FAM169A: variants seen among roughly 807,000 people sequenced by gnomAD.
FAM169A encodes family with sequence similarity 169 member A, also known as soluble lamin-associated protein of 75 kDa.
A neutral mutation model predicts 75.7 loss-of-function variants in FAM169A; 24 were observed. The observed-to-expected ratio is 0.32, with a 90% CI of 0.23 to 0.45. FAM169A has a LOEUF of 0.45. FAM169A is among the 20% of genes least tolerant of loss of function. The pLI is 1.00. For missense variants in FAM169A, 673 were observed against 784.0 expected (o/e 0.86, Z 1.69); for synonymous variants, 271 against 271.0 (o/e 1.00, Z 0.00).
intron 11 of FAM169A, among the ~76,000 whole-genome samples, chr5:74,792,004 T>G (rs1746002825): frequency 6.6e-6 from 1 of 152,260 alleles, no homozygotes; most frequent in Admixed American, 6.5e-5. Flanking sequence ...TTTTCCTTTA[T>G]CATGTGACAT....
At chr5:74,787,229 T>A (rs895283400) in intron 11 of FAM169A, among the ~76,000 whole-genome samples, 2 of 152,214 alleles carry the variant, frequency 1.3e-5, no homozygotes, top group Non-Finnish European at 2.9e-5. Flanking sequence ...TCAGGCTGAA[T>A]TTATTGATTC....
intron 5 of FAM169A, among the ~76,000 whole-genome samples, chr5:74,816,514 T>G (rs1160738227): frequency 6.6e-6 from 1 of 152,216 alleles, no homozygotes; most frequent in Admixed American, 6.5e-5. Flanking sequence ...TTACTTGCCA[T>G]GTACATGTTC....
At chr5:74,830,447 T>C (rs940872743) in intron 5 of FAM169A, among the ~76,000 whole-genome samples, 5 of 152,082 alleles carry the variant, frequency 3.3e-5, no homozygotes, top group African/African-American at 1.2e-4. Context: ...TGTGCTCTAA[T>C]CCCACTAAGC....
At position 74,780,075 on chromosome 5, in the gene FAM169A, C is replaced by G. The variant is rs1358742069; in HGVS notation, c.*1385G>C. ...TTAGATTATCTTTGGATTCTAATAACCATTTTGTCCATTTTTAAATAAATT... is the reference window on the plus strand; with the variant it reads ...TTAGATTATCTTTGGATTCTAATAAGCATTTTGTCCATTTTTAAATAAATT... On this transcript the variant is annotated 3_prime_UTR_variant, in exon 13 of 13. Transcript: ENST00000687041. The G allele has an allele frequency of 2.6e-5, 4 of 152,140 alleles. No individual in the cohort carries two copies. The highest frequency in any genetic ancestry group is 5.9e-5 in the Non-Finnish European group (4 of 68,010). 9.4% of individuals were successfully genotyped at this position (152,140 alleles called of 1,614,324 possible).
chr5:74,822,833 A>G lies in FAM169A; in HGVS notation c.491-8814T>C, dbSNP rs560448470. ...AACTACTCCTCTTCTTCTATTCCCA[A>G]TCTTAATTAACAGCCTCCCACCAAT... is the stretch of plus-strand genomic sequence containing the variant. On this transcript the variant is annotated intron_variant, in intron 5 of 12. Coordinates refer to ENST00000687041, the MANE Select transcript of FAM169A (RefSeq NM_001376049.1). 1.3e-4 allele frequency among the ~76,000 whole-genome samples: 20 copies of G among 152,180 alleles called. No homozygotes were observed. In the South Asian group the frequency reaches 3.1e-3, roughly 24 times the overall value.
rs865985715 is a variant in FAM169A, at chr5:74,780,542, T to C, written c.*918A>G. The stretch of plus-strand genomic sequence containing the variant: ...GAAGGAGCCTCATACTTCTGAAATA[T>C]AGATGTTAACTGGGTTGGGATAAAA... On this transcript the variant is annotated 3_prime_UTR_variant, in exon 13 of 13. Transcript: ENST00000687041. 2.0e-5 allele frequency: 3 copies of C among 152,354 alleles called. No homozygotes were observed. The highest frequency in any genetic ancestry group is 2.1e-4 in the South Asian group (1 of 4,826). 9.4% of individuals were successfully genotyped at this position (152,354 alleles called of 1,614,324 possible). A position where few individuals can be genotyped will look rare whatever the true frequency, so the allele number is the denominator to read the frequency against.
chr5:74,809,055 A>G (rs562601544), intron 6 of FAM169A, among the ~76,000 whole-genome samples: 1 of 152,344 alleles, frequency 6.6e-6, no homozygotes, highest in East Asian at 1.9e-4. Flanking sequence ...AACAAAACAA[A>G]AAGACATGGC....
intron 1 of FAM169A, among the ~76,000 whole-genome samples, chr5:74,844,457 CAAAAACAA>C (rs1166002090): frequency 2.1e-4 from 31 of 150,126 alleles, no homozygotes; most frequent in Admixed American, 1.1e-3. Context: ...GTCTCAAAAA[CAAAAACAA>C]AAAAACAAAA....
intron 10 of FAM169A, chr5:74,799,725 G>A (rs1746463427): frequency 1.7e-6 from 2 of 1,186,952 alleles, no homozygotes; most frequent in African/African-American, 3.0e-5. Flanking sequence ...TCTGAAGACG[G>A]AGTTCCAGCT....
intron 1 of FAM169A, 52 bp from the exon 2 acceptor site, chr5:74,841,731 C>A: frequency 6.8e-7 from 1 of 1,471,002 alleles, no homozygotes; most frequent in Non-Finnish European, 9.2e-7. Flanking sequence ...CGCCATCTTC[C>A]TTTACTCACA....
At chr5:74,862,541 G>A (rs115621896) in intron 1 of FAM169A, among the ~76,000 whole-genome samples, 2,209 of 152,150 alleles carry the variant, frequency 0.015, 49 homozygotes, top group African/African-American at 0.048. Flanking sequence ...AGCCCTCCTC[G>A]GCATGCCCCA....
intron 1 of FAM169A, among the ~76,000 whole-genome samples, chr5:74,842,876 G>A (rs1428820154): frequency 6.6e-6 from 1 of 152,068 alleles, no homozygotes; most frequent in Non-Finnish European, 1.5e-5. Flanking sequence ...ACTGGGGTGG[G>A]AGTAGGGTAG....
chr5:74,857,637 T>C (rs1034990532), intron 1 of FAM169A, among the ~76,000 whole-genome samples: 7 of 146,290 alleles, frequency 4.8e-5, no homozygotes, highest in Non-Finnish European at 1.0e-4. Context: ...AACAATATGC[T>C]GATGAAAAGT....
Position 74,778,016 on chromosome 5 carries a change from C to T in FAM169A, c.*3444G>A, listed in dbSNP as rs1745208016. ...ATTAGATTTTAGCAGATAATTTTAC[C>T]ACTAATATAAATGGGTGATGTGTGG... On this transcript the variant is annotated 3_prime_UTR_variant, in exon 13 of 13. Coordinates refer to ENST00000687041, the MANE Select transcript of FAM169A (RefSeq NM_001376049.1). The T allele has an allele frequency of 6.6e-6, 1 of 151,924 alleles. No individual in the cohort carries two copies. 9.4% of individuals were successfully genotyped at this position (151,924 alleles called of 1,614,324 possible).
chr5:74,809,729 G>A (rs1181127655), intron 6 of FAM169A, among the ~76,000 whole-genome samples: 1 of 152,124 alleles, frequency 6.6e-6, no homozygotes, highest in Non-Finnish European at 1.5e-5. Context: ...TACATGAAGA[G>A]ATACTCAAAA....
rs891739000 is a variant in FAM169A, at chr5:74,800,969, A to C, written c.1014T>G (p.Ile338Met). The change falls in exon 10 of 13, where the codon ATT becomes ATG. Residue 338 changes from isoleucine (I) to methionine (M), a missense_variant. Ile to Met is a conservative substitution (Grantham distance 10). Around this residue, in one of 3 missense-constraint regions of FAM169A, gnomAD observed 510 missense variants for 550.9 expected, o/e 0.93. Transcript: ENST00000687041. Reference protein sequence around the residue: ...TRSGNLKRPKIGKRFQDSEFS... With the variant: ...TRSGNLKRPKMGKRFQDSEFS... ...ATTCAGAATCCTGAAACCGCTTTCC[A>C]ATCTTTGGCCGCTTTAGATTACCAC... 5.8e-6 allele frequency: 9 copies of C among 1,562,658 alleles called. No homozygotes were observed. The highest frequency in any genetic ancestry group is 1.4e-5 in the African/African-American group (1 of 72,336).
At chr5:74,819,709 A>C (rs1747673468) in intron 5 of FAM169A, among the ~76,000 whole-genome samples, 2 of 152,194 alleles carry the variant, frequency 1.3e-5, no homozygotes, top group South Asian at 4.1e-4. Context: ...ACAAGGTAAT[A>C]CTATTTGGTC....
chr5:74,859,492 G>A (rs1476128883), intron 1 of FAM169A, among the ~76,000 whole-genome samples: 1 of 151,854 alleles, frequency 6.6e-6, no homozygotes, highest in Non-Finnish European at 1.5e-5. Context: ...ATTTCACCAT[G>A]TTGGTCAGGC....
intron 5 of FAM169A, among the ~76,000 whole-genome samples, chr5:74,832,008 C>T (rs1049282493): frequency 1.4e-4 from 22 of 152,022 alleles, no homozygotes; most frequent in African/African-American, 5.3e-4. Context: ...ACTTATTTTA[C>T]CAATAAATTA....
Sources: gnomAD v4.1 joint callset for allele counts (sites outside exome capture counted in the v4.1 genomes callset) on GRCh38, gnomAD v4.1.1 for gene constraint, gnomAD v4.1.1 regional missense constraint, MANE v1.5 for transcripts, NCBI Gene and HGNC (gene_info 2026-07-23, HGNC 2026-07-21) for gene names.